The following ZNF236 variants were observed in gnomAD, a reference collection of about 807,000 sequenced individuals.
ZNF236 encodes the protein zinc finger protein 236.
A neutral mutation model predicts 191.2 loss-of-function variants in ZNF236; 50 were observed. That is an observed-to-expected ratio of 0.26 (90% CI 0.21 to 0.33). ZNF236 has a LOEUF of 0.33. Ranked by LOEUF, ZNF236 falls within the 10% of genes least tolerant of loss-of-function variation. The pLI is 1.00. For synonymous variants in ZNF236, 907 were observed against 928.8 expected (o/e 0.98, Z 0.43); for missense variants, 1,754 against 2,374.5 (o/e 0.74, Z 5.43).
chr18:76,909,983 C>A, intron 14 of ZNF236, 85 bp from the exon 15 acceptor site: 3 of 980,980 alleles, frequency 3.1e-6, no homozygotes, highest in African/African-American at 1.6e-5. Context: ...TTTGAAAACT[C>A]GCCGAAGTGT....
intron 7 of ZNF236, among the ~76,000 whole-genome samples, chr18:76,878,538 T>A (rs1210125177): frequency 6.6e-6 from 1 of 152,226 alleles, no homozygotes; most frequent in African/African-American, 2.4e-5. Flanking sequence ...CTTTTGAAAC[T>A]AAATTATATT....
rs545751959 is a variant in ZNF236 at position 76,956,103 on chromosome 18, G to A, written c.5033G>A (p.Ser1678Asn). 7.3e-5 allele frequency: 116 copies of A among 1,585,676 alleles called. No homozygotes were observed. In the East Asian group the frequency reaches 2.6e-3, roughly 35 times the overall value. ...FSSAAVLMHH[S>N]KEVHGRERIH... ...TCGGCGGCGGTGCTCATGCACCACAGCAAGGAGGTGCATGGCCGGGAGCGC... is the reference window on the plus strand; with the variant it reads ...TCGGCGGCGGTGCTCATGCACCACAACAAGGAGGTGCATGGCCGGGAGCGC... Residue 1678 changes from serine to asparagine, a missense_variant, in exon 28 of 31, where the codon AGC (serine) becomes AAC (asparagine). Physicochemically the swap from Ser to Asn is conservative, Grantham distance 46 (BLOSUM62 1). Coordinates refer to ENST00000320610, the MANE Select transcript of ZNF236 (RefSeq NM_001306089.2).
chr18:76,890,800 A>G (rs1977205648), intron 9 of ZNF236, among the ~76,000 whole-genome samples: 1 of 152,150 alleles, frequency 6.6e-6, no homozygotes, highest in South Asian at 2.1e-4. Context: ...TTTGTGGGAT[A>G]CAGTTTACTC....
intron 1 of ZNF236, among the ~76,000 whole-genome samples, chr18:76,833,457 T>C (rs77384671): frequency 6.6e-6 from 1 of 152,178 alleles, no homozygotes; most frequent in Non-Finnish European, 1.5e-5. Context: ...GTGGTGATCA[T>C]GTGATTTTTC....
chr18:76,937,447 T>G (rs1036281853), intron 26 of ZNF236, 104 bp downstream of exon 26: 3 of 1,119,222 alleles, frequency 2.7e-6, no homozygotes, highest in African/African-American at 3.1e-5. Context: ...GCATTTTTTT[T>G]CCCCAAAATC....
chr18:76,841,333 A>G (rs763971904), intron 1 of ZNF236, among the ~76,000 whole-genome samples: 7 of 151,940 alleles, frequency 4.6e-5, no homozygotes, highest in Admixed American at 2.0e-4. Context: ...TCGGCCTCCC[A>G]AAGTGTTGGA....
chr18:76,848,304 G>C (rs536737034), intron 1 of ZNF236, among the ~76,000 whole-genome samples: 1 of 152,268 alleles, frequency 6.6e-6, no homozygotes, highest in Admixed American at 6.5e-5. Context: ...CTACTCCCAA[G>C]TTTCTGAAGT....
At chr18:76,895,892 A>G (rs1386241483) in intron 10 of ZNF236, among the ~76,000 whole-genome samples, 1 of 147,324 alleles carries the variant, frequency 6.8e-6, no homozygotes, top group East Asian at 2.0e-4. Flanking sequence ...CTGTACCCAC[A>G]CTGGTACTGC....
intron 11 of ZNF236, 119 bp from the exon 12 acceptor site, chr18:76,904,261 A>C (rs1568221768): frequency 3.3e-6 from 3 of 921,134 alleles, no homozygotes; most frequent in East Asian, 6.0e-5. Flanking sequence ...ACATAGTTGC[A>C]ACATTAGAAT....
rs1195247011 is a variant in ZNF236, at chr18:76,908,514, G to A, written c.2492G>A (p.Gly831Asp). The change falls in exon 14 of 31, where the codon GGC becomes GAC. Residue 831 changes from glycine to aspartate, a missense_variant. Around this residue, in one of 5 missense-constraint regions of ZNF236, gnomAD observed 641 missense variants for 869.6 expected, o/e 0.74. Coordinates refer to ENST00000320610, the MANE Select transcript of ZNF236 (RefSeq NM_001306089.2). ...GACCTGGAGCCTCAGCATGTGGTGG[G>A]CACGGAGGAAGCAGGGCTGGGCCAG... is the stretch of plus-strand genomic sequence containing the variant. Reference protein sequence around the residue: ...MLDLEPQHVVGTEEAGLGQQL... With the variant: ...MLDLEPQHVVDTEEAGLGQQL... 1.2e-6 allele frequency: 2 copies of A among 1,613,786 alleles called. No homozygotes were observed. The highest frequency in any genetic ancestry group is 2.2e-5 in the South Asian group (2 of 91,080).
At chr18:76,845,135 CTACT>C (rs1326229719) in intron 1 of ZNF236, among the ~76,000 whole-genome samples, 10 of 152,322 alleles carry the variant, frequency 6.6e-5, no homozygotes, top group African/African-American at 2.2e-4. Flanking sequence ...AAACTAGTCT[CTACT>C]TAAGGCAAAC....
In ZNF236 at chr18:76,919,687, C is replaced by T; in HGVS notation, c.3275-89C>T. ...TTGGTTGAGTTATTAATTTTCATTA[C>T]ATACATACCTATTTAGTTTTAATTG... On this transcript the variant is annotated intron_variant, in intron 19 of 30. Transcript: ENST00000320610. This position sits in a 1 kb window ranked among gnomAD's most constrained non-coding sequence, Gnocchi z 5.3. 1.4e-6 allele frequency: 2 copies of T among 1,428,776 alleles called. No homozygotes were observed. The highest frequency in any genetic ancestry group is 9.6e-7 in the Non-Finnish European group (1 of 1,042,572). 88.5% of individuals were successfully genotyped at this position (1,428,776 alleles called of 1,614,324 possible). A position where few individuals can be genotyped will look rare whatever the true frequency, so the allele number is the denominator to read the frequency against.
chr18:76,863,666 G>A (rs1976309038), intron 3 of ZNF236, among the ~76,000 whole-genome samples: 1 of 151,426 alleles, frequency 6.6e-6, no homozygotes. Flanking sequence ...GGGCTCAAGC[G>A]ATCCTCCCAC....
At chr18:76,926,143 G>A (rs1233835382) in intron 22 of ZNF236, among the ~76,000 whole-genome samples, 1 of 152,188 alleles carries the variant, frequency 6.6e-6, no homozygotes, top group Non-Finnish European at 1.5e-5. Context: ...CTACTTTTCT[G>A]ATACGTTTAA....
At chr18:76,938,592 T>A (rs748452445) in intron 26 of ZNF236, among the ~76,000 whole-genome samples, 6 of 152,196 alleles carry the variant, frequency 3.9e-5, no homozygotes, top group Non-Finnish European at 7.4e-5. Context: ...TTCCTCTGCA[T>A]CGCTTCAAGG....
rs191627155 is a variant in ZNF236, at chr18:76,959,071, C to T, written c.5113-616C>T. Among the ~76,000 whole-genome samples, 522 of 152,372 alleles carry T rather than the reference C, an allele frequency of 3.4e-3. 4 individuals are homozygous for T. Among genetic ancestry groups the T allele is most frequent in the Non-Finnish European group, 5.7e-3 (385 of 68,026 alleles). ...CAGATCTTTGAGAAATTTGCAGTCACGTGAATGCAGTATCTCTGGCAAGTT... is the reference window on the plus strand; with the variant it reads ...CAGATCTTTGAGAAATTTGCAGTCATGTGAATGCAGTATCTCTGGCAAGTT... On this transcript the variant is annotated intron_variant, in intron 28 of 30. Transcript: ENST00000320610.
rs530758740 is a variant in ZNF236 at position 76,865,259 on chromosome 18, C to T, written c.364-3426C>T. On this transcript the variant is annotated intron_variant, in intron 3 of 30. Transcript: ENST00000320610. ...GGCTGAGGCAGGAGAATTGCTTGAA[C>T]CTGGGAGGCAGAGGTTGCAGTGAGC... 2.6e-5 allele frequency among the ~76,000 whole-genome samples: 4 copies of T among 152,212 alleles called. No individual in the cohort carries two copies. The South Asian group carries it at 8.3e-4, about 32-fold the overall frequency.
rs1377433015 is a variant in ZNF236, at chr18:76,940,304, A to G, written c.4782+2961A>G. Among the ~76,000 whole-genome samples the G allele has an allele frequency of 2.8e-5, 4 of 142,658 alleles. 1 individual carries two copies. The East Asian group carries it at 6.4e-4, about 23-fold the overall frequency. 93.6% of individuals were successfully genotyped at this position (142,658 alleles called of 152,430 possible). A position where few individuals can be genotyped will look rare whatever the true frequency, so the allele number is the denominator to read the frequency against. Reference sequence around the variant, plus strand: ...ACACGGTGGGCTGCCCTAGCACTGCATTTGGGAACATGGTGGGCTACCCTA... The same window carrying G: ...ACACGGTGGGCTGCCCTAGCACTGCGTTTGGGAACATGGTGGGCTACCCTA... On this transcript the variant is annotated intron_variant, in intron 26 of 30. Transcript: ENST00000320610.
intron 28 of ZNF236, among the ~76,000 whole-genome samples, chr18:76,958,322 G>T (rs757390998): frequency 6.6e-5 from 10 of 152,168 alleles, no homozygotes; most frequent in Non-Finnish European, 1.3e-4. Flanking sequence ...AAGCCTAACT[G>T]CACCCTTCGA....
Sources: gnomAD v4.1 joint callset for allele counts (sites outside exome capture counted in the v4.1 genomes callset) on GRCh38, gnomAD v4.1.1 for gene constraint, gnomAD v4.1.1 regional missense constraint, Gnocchi (gnomAD v3.1) non-coding constraint, MANE v1.5 for transcripts, NCBI Gene and HGNC (gene_info 2026-07-23, HGNC 2026-07-21) for gene names.